Variants in OR2L2 observed in about 807,000 individuals in gnomAD.
The protein encoded by OR2L2 is olfactory receptor 2L2.
For synonymous variants in OR2L2, 156 were observed against 135.4 expected (o/e 1.15, Z -1.06); for missense variants, 378 against 375.2 (o/e 1.01, Z -0.06).
At position 248,038,398 on chromosome 1, in the gene OR2L2, T is replaced by C. The variant is rs1348648360; in HGVS notation, c.131T>C (p.Met44Thr). ...FLMALIGNLS[M>T]ILLIFLDIHL... ...ATGGCTCTAATTGGAAATCTATCCA[T>C]GATTCTTCTCATCTTTTTGGACATC... Residue 44 changes from methionine to threonine, a missense_variant, in exon 3 of 3, where the codon ATG (methionine) becomes ACG (threonine). By Grantham distance (81) the Met-to-Thr change is moderately conservative. Transcript: ENST00000641771. The C allele has an allele frequency of 6.2e-7, 1 of 1,613,772 alleles. No individual in the cohort carries two copies. The highest frequency in any genetic ancestry group is 8.5e-7 in the Non-Finnish European group (1 of 1,179,650).
rs183779702 is a variant in OR2L2 at position 248,039,090 on chromosome 1, G to A, written c.823G>A (p.Val275Ile). 1.2e-6 allele frequency: 2 copies of A among 1,614,072 alleles called. No homozygotes were observed. The highest frequency in any genetic ancestry group is 4.5e-5 in the East Asian group (2 of 44,872). ...RSPTEDKILA[V>I]FYTILTPMLN... Reference sequence around the variant, plus strand: ...TCCAACAGAGGACAAGATTCTGGCTGTTTTCTACACCATCCTCACCCCAAT... The same window carrying A: ...TCCAACAGAGGACAAGATTCTGGCTATTTTCTACACCATCCTCACCCCAAT... Residue 275 changes from valine to isoleucine, a missense_variant, in exon 3 of 3, where the codon GTT becomes ATT. Transcript: ENST00000641771.
rs114870908 is a variant in OR2L2, at chr1:248,034,274, C to G, written c.-96-1276C>G. 8.1e-3 allele frequency among the ~76,000 whole-genome samples: 1,226 copies of G among 152,128 alleles called. 12 individuals carry two copies. The highest frequency in any genetic ancestry group is 0.032 in the South Asian group (154 of 4,814). ...ATTCAATGTAATTCCCATCAAAATA[C>G]CACCATCATTCTTCACAGACAATTC... On this transcript the variant is annotated intron_variant, in intron 1 of 2. Coordinates refer to ENST00000641771, the MANE Select transcript of OR2L2 (RefSeq NM_001385855.1).
intron 2 of OR2L2, among the ~76,000 whole-genome samples, chr1:248,036,611 G>A (rs547844316): frequency 2.6e-5 from 4 of 151,884 alleles, no homozygotes; most frequent in East Asian, 1.9e-4. Context: ...CTCAAAGGTC[G>A]GCTGACCTTT....
chr1:248,040,023 C>A lies in OR2L2; in HGVS notation c.*817C>A, dbSNP rs1237488903. 1 of 152,182 alleles carries A rather than the reference C, an allele frequency of 6.6e-6. No homozygotes were observed. The highest frequency in any genetic ancestry group is 2.4e-5 in the African/African-American group (1 of 41,450). The allele number at this position is 152,182 out of a possible 1,614,324, so 9.4% of individuals were successfully genotyped here. A position where few individuals can be genotyped will look rare whatever the true frequency, so the allele number is the denominator to read the frequency against. On this transcript the variant is annotated 3_prime_UTR_variant, in exon 3 of 3. Transcript: ENST00000641771. ...GGAGTGTGGAGTAGGTTATTTGAAT[C>A]ATTTCCCAGTCACGTCACAACACAC...
In OR2L2 at chr1:248,038,495, T is replaced by A; in HGVS notation, c.228T>A (p.Ile76=). The A allele has an allele frequency of 6.2e-7, 1 of 1,613,970 alleles. No individual in the cohort carries two copies. Among genetic ancestry groups the A allele is most frequent in the East Asian group, 2.2e-5 (1 of 44,882 alleles). ...TTGACCTAAATTACATCTCCACCAT[T>A]GTTCCAAAGATGGTTTATGATTTTC... ...SLIDLNYIST[I]VPKMVYDFLY... Residue 76 remains isoleucine, a synonymous_variant, in exon 3 of 3, where the codon ATT becomes ATA. Transcript: ENST00000641771.
chr1:248,031,447 A>G (rs926595291), intron 1 of OR2L2, among the ~76,000 whole-genome samples: 2 of 152,238 alleles, frequency 1.3e-5, no homozygotes, highest in Non-Finnish European at 2.9e-5. Flanking sequence ...GAAGCAGGAC[A>G]GGCTTCTGCC....
intron 1 of OR2L2, among the ~76,000 whole-genome samples, chr1:248,034,248 A>G (rs11204583): frequency 0.17 from 25,910 of 152,026 alleles, 2,414 homozygotes; most frequent in East Asian, 0.32. Context: ...ACAACCTACA[A>G]ATTCAATGTA....
chr1:248,033,000 A>C lies in OR2L2; in HGVS notation c.-96-2550A>C, dbSNP rs145720183. On this transcript the variant is annotated intron_variant, in intron 1 of 2. Transcript: ENST00000641771. ...ATAAAAACATAAAACCCTATTGTAA[A>C]TCAAGGAGCATCTGGAATTACAATG... is the stretch of plus-strand genomic sequence containing the variant. Among the ~76,000 whole-genome samples the C allele has an allele frequency of 1.1e-4, 16 of 152,322 alleles. No homozygotes were observed. In the East Asian group the frequency reaches 3.1e-3, roughly 29 times the overall value.
chr1:248,035,178 C>T (rs1223089483), intron 1 of OR2L2, among the ~76,000 whole-genome samples: 7 of 151,778 alleles, frequency 4.6e-5, no homozygotes, highest in Non-Finnish European at 1.5e-5. Context: ...TGGCCAGGCA[C>T]GGTGGCTCAT....
rs1662942939 is a variant in OR2L2 at position 248,041,256 on chromosome 1, G to C, written c.*2050G>C. 1 of 152,040 alleles carries C rather than the reference G, an allele frequency of 6.6e-6. No individual in the cohort carries two copies. Among genetic ancestry groups the C allele is most frequent in the Non-Finnish European group, 1.5e-5 (1 of 68,002 alleles). The allele number at this position is 152,040 out of a possible 1,614,324, so 9.4% of individuals were successfully genotyped here. On this transcript the variant is annotated 3_prime_UTR_variant, in exon 3 of 3. Transcript: ENST00000641771. ...CAAACCTGAGAAAAACAAGCAATGG[G>C]GAAAGGATTCCCTATTTAATAAATG...
intron 1 of OR2L2, among the ~76,000 whole-genome samples, chr1:248,034,641 G>C (rs73141390): frequency 0.021 from 3,162 of 152,142 alleles, 118 homozygotes; most frequent in African/African-American, 0.072. Context: ...TGTCTTCTTT[G>C]ATTGTTCTAA....
At position 248,039,158 on chromosome 1, in the gene OR2L2, G is replaced by T. The variant is rs891670996; in HGVS notation, c.891G>T (p.Met297Ile). 18 of 1,613,238 alleles carry T rather than the reference G, an allele frequency of 1.1e-5. No individual in the cohort carries two copies. The Admixed American group carries it at 1.8e-4, about 16-fold the overall frequency. ...ACAGCCTGAGAAACAAGGAGGTGAT[G>T]GGGGCCCTGACACAAGTGATTCAGA... ...IIYSLRNKEV[M>I]GALTQVIQKI... Residue 297 changes from methionine to isoleucine, a missense_variant, in exon 3 of 3, where the codon ATG becomes ATT. Transcript: ENST00000641771.
At chr1:248,034,589 G>T (rs1029218697) in intron 1 of OR2L2, among the ~76,000 whole-genome samples, 5 of 152,072 alleles carry the variant, frequency 3.3e-5, no homozygotes, top group African/African-American at 1.2e-4. Context: ...ACAGTGTTAA[G>T]CCTTCCAGTC....
intron 2 of OR2L2, 110 bp from the exon 3 acceptor site, chr1:248,038,137 A>G (rs1356021238): frequency 1.1e-5 from 7 of 637,534 alleles, no homozygotes; most frequent in African/African-American, 9.2e-5. Flanking sequence ...TAGTTTATAT[A>G]GGGTTCAGTA....
At chr1:248,030,513 C>CA (rs1318072763) in intron 1 of OR2L2, among the ~76,000 whole-genome samples, 4 of 152,172 alleles carry the variant, frequency 2.6e-5, no homozygotes, top group African/African-American at 9.7e-5. Flanking sequence ...ACTATGCTTT[C>CA]ATGGGCTCAA....
Position 248,042,178 on chromosome 1 carries a change from A to G in OR2L2, c.*2972A>G, listed in dbSNP as rs1411879194. ...CACCATGGAATACTATGCAGCCATA[A>G]AAGATGATGAGTTCATGTCCTTTGT... On this transcript the variant is annotated 3_prime_UTR_variant, in exon 3 of 3. Transcript: ENST00000641771. 1 of 152,184 alleles carries G rather than the reference A, an allele frequency of 6.6e-6. No homozygotes were observed. Among genetic ancestry groups the G allele is most frequent in the African/African-American group, 2.4e-5 (1 of 41,430 alleles). The allele number at this position is 152,184 out of a possible 1,614,324, so 9.4% of individuals were successfully genotyped here.
rs1662950787 is a variant in OR2L2 at position 248,041,540 on chromosome 1, A to G, written c.*2334A>G. ...TAATTAAACTAAAGAGCTTCTGCAC[A>G]GCAAAAGAAACTACCATCAGAGTGA... On this transcript the variant is annotated 3_prime_UTR_variant, in exon 3 of 3. Transcript: ENST00000641771. 6.6e-6 allele frequency: 1 copy of G among 152,254 alleles called. No individual in the cohort carries two copies. The highest frequency in any genetic ancestry group is 1.9e-4 in the East Asian group (1 of 5,204). The allele number at this position is 152,254 out of a possible 1,614,324, so 9.4% of individuals were successfully genotyped here.
chr1:248,039,848 A>T lies in OR2L2; in HGVS notation c.*642A>T, dbSNP rs940975123. On this transcript the variant is annotated 3_prime_UTR_variant, in exon 3 of 3. Transcript: ENST00000641771. ...GTATGTATGTCTTCTTCTTTTTCTT[A>T]AAGTAATGTTTTACTAATAAGTTTA... 2 of 152,168 alleles carry T rather than the reference A, an allele frequency of 1.3e-5. No homozygotes were observed. Among genetic ancestry groups the T allele is most frequent in the Non-Finnish European group, 2.9e-5 (2 of 68,016 alleles). The allele number at this position is 152,168 out of a possible 1,614,324, so 9.4% of individuals were successfully genotyped here.
chr1:248,038,053 A>G (rs1211135256), intron 2 of OR2L2, 194 bp from the exon 3 acceptor site: 2 of 439,022 alleles, frequency 4.6e-6, no homozygotes, highest in Admixed American at 7.9e-5. Context: ...TTTTATTTGT[A>G]GTTATTTTTG....
Sources: allele counts gnomAD v4.1 joint callset (sites outside exome capture counted in the v4.1 genomes callset), GRCh38; gene constraint gnomAD v4.1.1; transcripts MANE v1.5; gene names NCBI Gene and HGNC (gene_info 2026-07-23, HGNC 2026-07-21).